The following PRDM2 variants were observed in gnomAD, a reference collection of about 807,000 sequenced individuals.
PRDM2 encodes the protein PR domain zinc finger protein 2.
Under a neutral mutation model 130.0 loss-of-function variants are expected in PRDM2, and 30 were observed. The ratio of observed to expected loss-of-function variants is 0.23; its 90% CI spans 0.17 to 0.31. The LOEUF (loss-of-function observed/expected upper bound fraction) is 0.31, where lower values mean the gene tolerates loss of function less well. PRDM2 is among the 10% of genes least tolerant of loss of function. The pLI is 1.00. For synonymous variants in PRDM2, 871 were observed against 782.4 expected (o/e 1.11, Z -1.89); for missense variants, 2,011 against 2,108.4 (o/e 0.95, Z 0.90).
At chr1:13,707,839 A>G (rs1285015454) in intron 1 of PRDM2, among the ~76,000 whole-genome samples, 1 of 126,838 alleles carries the variant, frequency 7.9e-6, no homozygotes. Flanking sequence ...TTTTTTTTGT[A>G]CTGTTGGAGG....
In PRDM2 at chr1:13,732,868, G is replaced by A. The variant is rs1394259021; in HGVS notation, c.217G>A (p.Val73Ile). The A allele has an allele frequency of 1.3e-6, 2 of 1,579,284 alleles. No individual in the cohort carries two copies. Among genetic ancestry groups the A allele is most frequent in the Admixed American group, 3.5e-5 (2 of 57,120 alleles). ...AAAAAGATCTCAGGTTAAGAATAAT[G>A]TATACATGTGGGAGGTAAGAAGTAA... ...KKKRSQVKNNVYMWEVYYPNL... is the reference protein window; with the variant it reads ...KKKRSQVKNNIYMWEVYYPNL... The change falls in exon 4 of 10, where the codon GTA becomes ATA. Residue 73 changes from valine (V) to isoleucine (I), a missense_variant. Coordinates refer to ENST00000311066, the MANE Select transcript of PRDM2 (RefSeq NM_001393986.1).
At chr1:13,700,887 T>C (rs576427621) in intron 1 of PRDM2, among the ~76,000 whole-genome samples, 23 of 151,950 alleles carry the variant, frequency 1.5e-4, no homozygotes, top group South Asian at 4.1e-4. Context: ...CACGCGCGCG[T>C]GTGTGTGTGT....
intron 6 of PRDM2, among the ~76,000 whole-genome samples, chr1:13,762,123 G>A (rs1247126499): frequency 2.6e-5 from 4 of 152,214 alleles, no homozygotes; most frequent in Non-Finnish European, 5.9e-5. Context: ...TTGAGTCTGT[G>A]CCAGGCACTG....
At chr1:13,809,828 T>C (rs776976935) in intron 8 of PRDM2, among the ~76,000 whole-genome samples, 6 of 152,190 alleles carry the variant, frequency 3.9e-5, no homozygotes, top group Non-Finnish European at 8.8e-5. Context: ...CAGAATACCA[T>C]GGACTAGGCG....
chr1:13,745,830 G>A (rs1287663851), intron 5 of PRDM2, among the ~76,000 whole-genome samples: 1 of 152,166 alleles, frequency 6.6e-6, no homozygotes, highest in African/African-American at 2.4e-5. Flanking sequence ...AGGGATGGAT[G>A]AGTTTTAGGC....
Position 13,773,200 on chromosome 1 carries a change from A to C in PRDM2, c.622+12A>C. The C allele has an allele frequency of 6.7e-7, 1 of 1,495,234 alleles. No homozygotes were observed. Among genetic ancestry groups the C allele is most frequent in the Non-Finnish European group, 9.0e-7 (1 of 1,111,156 alleles). 92.6% of individuals were successfully genotyped at this position (1,495,234 alleles called of 1,614,324 possible). On this transcript the variant is annotated intron_variant, in intron 7 of 9. Coordinates refer to ENST00000311066, the MANE Select transcript of PRDM2 (RefSeq NM_001393986.1). ...AGATTCTGCAGAAGGTAAGCTTGTG[A>C]TATTGGCTTGGTCTGAATTGGGTGT...
At chr1:13,729,325 G>C (rs1451248256) in intron 2 of PRDM2, among the ~76,000 whole-genome samples, 1 of 152,178 alleles carries the variant, frequency 6.6e-6, no homozygotes, top group Non-Finnish European at 1.5e-5. Flanking sequence ...ATGGTGCTGA[G>C]TGTTTGCCTA....
intron 9 of PRDM2, among the ~76,000 whole-genome samples, chr1:13,822,400 C>T (rs1174117174): frequency 6.3e-5 from 9 of 142,606 alleles, no homozygotes; most frequent in East Asian, 2.1e-4. Context: ...CTTTTTCTTT[C>T]TTTTTTTTTT....
chr1:13,807,392 A>G (rs969683443), intron 8 of PRDM2, among the ~76,000 whole-genome samples: 19 of 152,216 alleles, frequency 1.2e-4, no homozygotes, highest in African/African-American at 4.3e-4. Flanking sequence ...ACCAGCCTCC[A>G]ATGCGCCCCC....
chr1:13,765,371 C>T (rs1480002040), intron 6 of PRDM2, among the ~76,000 whole-genome samples: 1 of 152,228 alleles, frequency 6.6e-6, no homozygotes, highest in Non-Finnish European at 1.5e-5. Context: ...ATCAACCCAA[C>T]TGTAGAACGT....
chr1:13,744,280 T>C (rs1289705095), intron 5 of PRDM2, among the ~76,000 whole-genome samples: 1 of 152,196 alleles, frequency 6.6e-6, no homozygotes, highest in Non-Finnish European at 1.5e-5. Flanking sequence ...GGCAAGTAGG[T>C]GTGACCTTAT....
chr1:13,732,469 G>GTTA (rs1643140666), intron 3 of PRDM2, among the ~76,000 whole-genome samples: 1 of 152,104 alleles, frequency 6.6e-6, no homozygotes, highest in Non-Finnish European at 1.5e-5. Context: ...TTGTGACTGT[G>GTTA]TTATTCAAGT....
At chr1:13,817,261 A>T (rs900290083) in intron 9 of PRDM2, among the ~76,000 whole-genome samples, 1 of 152,238 alleles carries the variant, frequency 6.6e-6, no homozygotes, top group African/African-American at 2.4e-5. Context: ...TCCAAAAAAA[A>T]TCCAAAATCA....
chr1:13,741,079 G>A (rs921964945), intron 4 of PRDM2, among the ~76,000 whole-genome samples: 1 of 152,240 alleles, frequency 6.6e-6, no homozygotes, highest in African/African-American at 2.4e-5. Context: ...TGATTCTGCA[G>A]TTCTGTTTCA....
chr1:13,721,034 A>G (rs1642710451), intron 2 of PRDM2, among the ~76,000 whole-genome samples: 1 of 151,948 alleles, frequency 6.6e-6, no homozygotes, highest in Non-Finnish European at 1.5e-5. Flanking sequence ...TCCCTGCCCA[A>G]GGTCACTACT....
intron 6 of PRDM2, among the ~76,000 whole-genome samples, chr1:13,762,396 G>C (rs1006431930): frequency 6.6e-6 from 1 of 152,228 alleles, no homozygotes; most frequent in Non-Finnish European, 1.5e-5. Context: ...CAAGAGCCTA[G>C]CCCACTGTCT....
intron 8 of PRDM2, chr1:13,786,547 C>T: frequency 1.2e-6 from 2 of 1,608,752 alleles, no homozygotes; most frequent in East Asian, 4.5e-5. Flanking sequence ...CAAAACAAAA[C>T]AAACCTTAAT....
intron 1 of PRDM2, among the ~76,000 whole-genome samples, chr1:13,707,618 A>T (rs1642248187): frequency 6.6e-6 from 1 of 152,240 alleles, no homozygotes; most frequent in Non-Finnish European, 1.5e-5. Context: ...GCAGGAGGTA[A>T]TAATGGCCTT....
intron 8 of PRDM2, among the ~76,000 whole-genome samples, chr1:13,801,879 G>C (rs969034851): frequency 2.0e-5 from 3 of 152,172 alleles, no homozygotes; most frequent in African/African-American, 7.2e-5. Context: ...GCCTGGCTGG[G>C]CTGGGTGTCT....
Sources: gnomAD v4.1 joint callset for allele counts (sites outside exome capture counted in the v4.1 genomes callset) on GRCh38, gnomAD v4.1.1 for gene constraint, MANE v1.5 for transcripts, NCBI Gene and HGNC (gene_info 2026-07-23, HGNC 2026-07-21) for gene names.